The following CCDC93 variants were observed in gnomAD, a reference collection of about 807,000 sequenced individuals.
CCDC93 encodes coiled-coil domain-containing protein 93.
Under a neutral mutation model 108.2 loss-of-function variants are expected in CCDC93, and 61 were observed. That is an observed-to-expected ratio of 0.56 (90% CI 0.46 to 0.70). The LOEUF is 0.70. Ranked by LOEUF, CCDC93 falls within the 30% of genes least tolerant of loss-of-function variation. The pLI is 0.00. For synonymous variants in CCDC93, 276 were observed against 260.4 expected (o/e 1.06, Z -0.58); for missense variants, 685 against 764.2 (o/e 0.90, Z 1.22).
intron 9 of CCDC93, 94 bp from the exon 10 acceptor site, chr2:117,974,994 G>A: frequency 8.4e-7 from 1 of 1,188,744 alleles, no homozygotes; most frequent in Non-Finnish European, 1.2e-6. Flanking sequence ...TGATATCCAA[G>A]GGTGTCTTCC....
At chr2:117,963,033 G>A (rs1414522478) in intron 11 of CCDC93, among the ~76,000 whole-genome samples, 2 of 152,198 alleles carry the variant, frequency 1.3e-5, no homozygotes, top group Non-Finnish European at 2.9e-5. Flanking sequence ...TTGGGCTGAA[G>A]TATCCCCAGG....
intron 23 of CCDC93, chr2:117,921,528 G>C (rs1038544027): frequency 6.6e-6 from 1 of 152,158 alleles, no homozygotes; most frequent in Admixed American, 6.5e-5. Context: ...GGCCCGGAGA[G>C]GTAGAGCTCA....
At chr2:117,950,122 A>G in intron 13 of CCDC93, 1 of 985,472 alleles carries the variant, frequency 1.0e-6, no homozygotes, top group Non-Finnish European at 1.2e-6. Context: ...AACAGTAGGT[A>G]GATCCCTTCC....
chr2:117,995,558 T>C (rs952375956), intron 5 of CCDC93, 56 bp from the exon 6 acceptor site: 51 of 1,257,926 alleles, frequency 4.1e-5, no homozygotes, highest in South Asian at 2.2e-4. Context: ...AAAACTCAAG[T>C]GGACCACTCA....
intron 11 of CCDC93, among the ~76,000 whole-genome samples, chr2:117,972,215 T>C (rs187729436): frequency 6.6e-6 from 1 of 152,296 alleles, no homozygotes; most frequent in African/African-American, 2.4e-5. Context: ...CAACAGCATA[T>C]ATGTCCTTAG....
chr2:117,986,678 C>A (rs1467417917), intron 6 of CCDC93, among the ~76,000 whole-genome samples: 1 of 152,120 alleles, frequency 6.6e-6, no homozygotes, highest in African/African-American at 2.4e-5. Context: ...CTTTAGTATA[C>A]AGTTTCGAGC....
chr2:118,006,982 T>C (rs1285388998), intron 2 of CCDC93, among the ~76,000 whole-genome samples, 166 bp from the exon 3 acceptor site: 1 of 152,160 alleles, frequency 6.6e-6, no homozygotes, highest in Non-Finnish European at 1.5e-5. Flanking sequence ...CAAGTACAAT[T>C]AATCTAAAAT....
chr2:117,933,335 T>C (rs1164793132), intron 22 of CCDC93, among the ~76,000 whole-genome samples: 4 of 152,118 alleles, frequency 2.6e-5, no homozygotes, highest in African/African-American at 7.2e-5. Flanking sequence ...GACTCTTTGA[T>C]TTAAGCTTCA....
rs755175203 is a variant in CCDC93, at chr2:117,936,763, A to G, written c.1606-24T>C. 2.2e-5 allele frequency: 35 copies of G among 1,605,308 alleles called. No individual in the cohort carries two copies. The Middle Eastern group carries it at 4.9e-4, about 23-fold the overall frequency. ...ATCTGGGGAAGTAAAAAAACAAACG[A>G]AATTATAAGACAGGCAAAAAGATTT... On this transcript the variant is annotated intron_variant, in intron 20 of 23. Coordinates refer to ENST00000376300, the MANE Select transcript of CCDC93 (RefSeq NM_019044.5).
Position 117,949,341 on chromosome 2 carries a change from C to G in CCDC93, c.1123G>C (p.Glu375Gln), listed in dbSNP as rs751983591. Residue 375 changes from glutamate to glutamine, a missense_variant, in exon 14 of 24, where the codon GAA becomes CAA. By Grantham distance (29) the Glu-to-Gln change is conservative. Coordinates refer to ENST00000376300, the MANE Select transcript of CCDC93 (RefSeq NM_019044.5). Reference sequence around the variant, plus strand: ...TCTTACCTTGGATCAGCTTTGGATTCTATCTTCTCGAGGGCTGCTTGCTCT... The same window carrying G: ...TCTTACCTTGGATCAGCTTTGGATTGTATCTTCTCGAGGGCTGCTTGCTCT... ...DKEQAALEKI[E>Q]SKADPSILQN... 4.0e-5 allele frequency: 64 copies of G among 1,613,454 alleles called. No individual in the cohort carries two copies. The highest frequency in any genetic ancestry group is 5.3e-5 in the Non-Finnish European group (63 of 1,179,488).
rs183958454 is a variant in CCDC93, at chr2:118,007,688, C to T, written c.156+857G>A. On this transcript the variant is annotated intron_variant, in intron 2 of 23. Coordinates refer to ENST00000376300, the MANE Select transcript of CCDC93 (RefSeq NM_019044.5). ...TCTCAAACAAACAAACAAACAACAA[C>T]AACAAAAACAGTAAATCTTACCCCT... Among the ~76,000 whole-genome samples, 5 of 152,250 alleles carry T rather than the reference C, an allele frequency of 3.3e-5. No homozygotes were observed. The East Asian group carries it at 9.7e-4, about 29-fold the overall frequency.
chr2:117,935,065 C>G (rs1281391874), intron 22 of CCDC93: 1 of 152,746 alleles, frequency 6.5e-6, no homozygotes, highest in African/African-American at 2.4e-5. Context: ...CTCTCGAGAT[C>G]CTAAGATTCC....
At chr2:118,000,237 A>T (rs1306730721) in intron 4 of CCDC93, 1 of 152,428 alleles carries the variant, frequency 6.6e-6, no homozygotes, top group African/African-American at 2.4e-5. Flanking sequence ...AAGGAAAGGA[A>T]TGTGGCCGTA....
At chr2:117,999,484 A>G (rs1056252486) in intron 4 of CCDC93, 2 of 152,194 alleles carry the variant, frequency 1.3e-5, no homozygotes, top group Non-Finnish European at 2.9e-5. Context: ...AAGAACTCTA[A>G]TAGAGTCAGA....
chr2:117,949,404 G>A lies in CCDC93; in HGVS notation c.1069-9C>T, dbSNP rs772418771. ...TCACTGTAAGTCTTCAGCTGCAAGAGAGAATGAAGACATGGTTGCTGGAGC... is the reference window on the plus strand; with the variant it reads ...TCACTGTAAGTCTTCAGCTGCAAGAAAGAATGAAGACATGGTTGCTGGAGC... On this transcript the variant is annotated splice_polypyrimidine_tract_variant and intron_variant, in intron 13 of 23. Transcript: ENST00000376300. 3 of 1,605,272 alleles carry A rather than the reference G, an allele frequency of 1.9e-6. No homozygotes were observed. The highest frequency in any genetic ancestry group is 2.2e-5 in the South Asian group (2 of 90,812).
chr2:117,956,362 T>G (rs1679217348), intron 12 of CCDC93, among the ~76,000 whole-genome samples: 1 of 152,236 alleles, frequency 6.6e-6, no homozygotes, highest in Admixed American at 6.5e-5. Flanking sequence ...AGGATTGCCC[T>G]GTCAGCTGGA....
Position 117,974,868 on chromosome 2 carries a change from G to C in CCDC93, c.783C>G (p.Thr261=). 1 of 1,569,842 alleles carries C rather than the reference G, an allele frequency of 6.4e-7. No homozygotes were observed. The highest frequency in any genetic ancestry group is 8.6e-7 in the Non-Finnish European group (1 of 1,156,650). Residue 261 remains threonine (T), a synonymous_variant, in exon 10 of 24, where the codon ACC becomes ACG. Transcript: ENST00000376300. ...QRIQSLMTKM[T]AMANEESRLT... is the part of the protein sequence containing the mutation. ...CACTCACCTCCTCATTTGCCATAGCGGTCATCTTGGTCATCAGCGACTGAA... is the reference window on the plus strand; with the variant it reads ...CACTCACCTCCTCATTTGCCATAGCCGTCATCTTGGTCATCAGCGACTGAA...
intron 8 of CCDC93, among the ~76,000 whole-genome samples, chr2:117,976,232 C>T (rs745839944): frequency 5.3e-5 from 8 of 152,120 alleles, no homozygotes; most frequent in Non-Finnish European, 1.0e-4. Flanking sequence ...ATAAAAATGA[C>T]AGGACAAGCA....
At position 117,995,449 on chromosome 2, in the gene CCDC93, G is replaced by A. The variant is rs200305966; in HGVS notation, c.516C>T (p.Leu172=). Residue 172 remains leucine (L), a synonymous_variant, in exon 6 of 24, where the codon CTC becomes CTT. Coordinates refer to ENST00000376300, the MANE Select transcript of CCDC93 (RefSeq NM_019044.5). ...AGAATACGGCCAGGGGACTTACTGA[G>A]AGGTCCACAACTGTCTTGATGGCCT... ...KEKAIKTVVD[L]SEVYKPRRKY... 4 of 1,611,740 alleles carry A rather than the reference G, an allele frequency of 2.5e-6. No homozygotes were observed. The South Asian group carries it at 3.3e-5, about 13-fold the overall frequency.
Sources: allele counts gnomAD v4.1 joint callset (sites outside exome capture counted in the v4.1 genomes callset), GRCh38; gene constraint gnomAD v4.1.1; transcripts MANE v1.5; gene names NCBI Gene and HGNC (gene_info 2026-07-23, HGNC 2026-07-21).